Variants in GALNT13 observed in about 807,000 individuals in gnomAD.
GALNT13 encodes polypeptide N-acetylgalactosaminyltransferase 13.
In GALNT13, 28 loss-of-function variants were observed where a neutral mutation model predicts 64.2. That is an observed-to-expected ratio of 0.44 (90% CI 0.32 to 0.60). GALNT13 has a LOEUF of 0.60. Ranked by LOEUF, GALNT13 falls within the 20% of genes least tolerant of loss-of-function variation. The pLI is 0.05. For synonymous variants in GALNT13, 214 were observed against 224.6 expected (o/e 0.95, Z 0.42); for missense variants, 577 against 669.8 (o/e 0.86, Z 1.53).
At chr2:153,589,621 A>G in the GALNT13 span, among the ~76,000 whole-genome samples, 1 of 152,226 alleles carries the variant, frequency 6.6e-6, no homozygotes, top group Non-Finnish European at 1.5e-5. Flanking sequence ...TTACAATTCC[A>G]CATGGCTGAG....
chr2:153,968,196 T>C (rs968137797), intron 3 of GALNT13, among the ~76,000 whole-genome samples: 4 of 152,138 alleles, frequency 2.6e-5, no homozygotes, highest in Non-Finnish European at 5.9e-5. Context: ...TCAAAGTTAT[T>C]TGGAGCCCCA....
At chr2:154,014,366 T>G (rs911675189) in intron 3 of GALNT13, among the ~76,000 whole-genome samples, 26 of 151,990 alleles carry the variant, frequency 1.7e-4, no homozygotes, top group African/African-American at 5.8e-4. Flanking sequence ...CCTGTTAAAC[T>G]CACCCCTTCC....
chr2:153,400,332 T>G, the GALNT13 span, among the ~76,000 whole-genome samples: 1 of 152,212 alleles, frequency 6.6e-6, no homozygotes, highest in Non-Finnish European at 1.5e-5. Context: ...TTTGCCAGTA[T>G]TTTATTGAGG....
chr2:153,649,157 A>G, the GALNT13 span, among the ~76,000 whole-genome samples: 7 of 152,186 alleles, frequency 4.6e-5, no homozygotes, highest in Non-Finnish European at 4.4e-5. Context: ...TTATTGGTCT[A>G]TTCAGAGATT....
chr2:153,633,492 G>A, the GALNT13 span, among the ~76,000 whole-genome samples: 4 of 152,102 alleles, frequency 2.6e-5, no homozygotes, highest in Non-Finnish European at 5.9e-5. Flanking sequence ...CATATAGATA[G>A]ATTCTAGATA....
At chr2:154,404,554 A>T (rs962793893) in intron 10 of GALNT13, among the ~76,000 whole-genome samples, 1 of 152,222 alleles carries the variant, frequency 6.6e-6, no homozygotes, top group African/African-American at 2.4e-5. Flanking sequence ...CCAATTTTCT[A>T]ATAGATACTC....
chr2:153,242,704 T>A, the GALNT13 span, among the ~76,000 whole-genome samples: 1 of 152,204 alleles, frequency 6.6e-6, no homozygotes, highest in African/African-American at 2.4e-5. Flanking sequence ...CTGAAAAAAG[T>A]GTTTCTTCTC....
At chr2:154,021,630 A>G (rs944553480) in intron 3 of GALNT13, among the ~76,000 whole-genome samples, 9 of 151,890 alleles carry the variant, frequency 5.9e-5, no homozygotes, top group African/African-American at 2.2e-4. Flanking sequence ...CTAGATATAC[A>G]ATCATGTCAT....
At chr2:154,233,423 C>T (rs1055768045) in intron 4 of GALNT13, among the ~76,000 whole-genome samples, 3 of 152,164 alleles carry the variant, frequency 2.0e-5, no homozygotes, top group South Asian at 2.1e-4. Flanking sequence ...GGCTGTTTAC[C>T]CACGTGAGCA....
intron 9 of GALNT13, among the ~76,000 whole-genome samples, chr2:154,339,578 A>C (rs1027063980): frequency 6.6e-6 from 1 of 152,186 alleles, no homozygotes; most frequent in Non-Finnish European, 1.5e-5. Context: ...ATTGGAAATA[A>C]TTAAATGAAC....
the GALNT13 span, among the ~76,000 whole-genome samples, chr2:153,149,265 T>C: frequency 6.6e-6 from 1 of 151,832 alleles, no homozygotes; most frequent in Non-Finnish European, 1.5e-5. Context: ...TAGAAGACGT[T>C]ACACAACTTT....
At chr2:153,516,917 C>A in the GALNT13 span, among the ~76,000 whole-genome samples, 1 of 152,128 alleles carries the variant, frequency 6.6e-6, no homozygotes, top group Non-Finnish European at 1.5e-5. Flanking sequence ...AAATAACTTA[C>A]TCTCTTGTAG....
chr2:153,939,522 C>T (rs530580646), intron 2 of GALNT13, among the ~76,000 whole-genome samples: 1 of 152,294 alleles, frequency 6.6e-6, no homozygotes, highest in South Asian at 2.1e-4. Flanking sequence ...ATCTTAAGTG[C>T]ATAGTTCAAT....
the GALNT13 span, among the ~76,000 whole-genome samples, chr2:153,385,821 C>T: frequency 6.6e-6 from 1 of 151,306 alleles, no homozygotes; most frequent in Non-Finnish European, 1.5e-5. Flanking sequence ...CTCCTTTAAC[C>T]CATAACTATA....
At chr2:154,265,627 A>C (rs1317843271) in intron 8 of GALNT13, among the ~76,000 whole-genome samples, 2 of 152,130 alleles carry the variant, frequency 1.3e-5, no homozygotes, top group African/African-American at 4.8e-5. Flanking sequence ...TGAACCCAAG[A>C]GGGAGAGGTT....
chr2:153,440,938 G>A, the GALNT13 span, among the ~76,000 whole-genome samples: 1 of 152,072 alleles, frequency 6.6e-6, no homozygotes, highest in South Asian at 2.1e-4. Flanking sequence ...CTGTGCAGAA[G>A]CTCTTTAGTT....
At chr2:154,108,858 T>C (rs561075839) in intron 3 of GALNT13, among the ~76,000 whole-genome samples, 2 of 152,226 alleles carry the variant, frequency 1.3e-5, no homozygotes, top group South Asian at 4.1e-4. Context: ...TTTCTTTCCA[T>C]TGAGTATTCT....
intron 9 of GALNT13, among the ~76,000 whole-genome samples, chr2:154,316,446 T>C: frequency 6.9e-6 from 1 of 144,904 alleles, no homozygotes; most frequent in East Asian, 2.0e-4. Context: ...GAATATAGAT[T>C]ACAAGTTCCT....
chr2:154,117,218 A>G (rs779134357), intron 3 of GALNT13, among the ~76,000 whole-genome samples: 1 of 151,974 alleles, frequency 6.6e-6, no homozygotes, highest in East Asian at 1.9e-4. Flanking sequence ...TCCTTTGGCA[A>G]CACCCTCACA....
Sources: allele counts gnomAD v4.1 joint callset (sites outside exome capture counted in the v4.1 genomes callset), GRCh38; gene constraint gnomAD v4.1.1; transcripts MANE v1.5; gene names NCBI Gene and HGNC (gene_info 2026-07-23, HGNC 2026-07-21).